TANC1: variants seen among roughly 807,000 people sequenced by gnomAD.
TANC1 encodes protein TANC1.
Under a neutral mutation model 149.7 loss-of-function variants are expected in TANC1, and 77 were observed. The ratio of observed to expected loss-of-function variants is 0.51; its 90% CI spans 0.43 to 0.62. The LOEUF (loss-of-function observed/expected upper bound fraction) is 0.62. Ranked by LOEUF, TANC1 falls within the 20% of genes least tolerant of loss-of-function variation. The pLI, the probability that TANC1 is intolerant of heterozygous loss-of-function variation, is 0.00. For missense variants in TANC1, 1,985 were observed against 2,321.8 expected (o/e 0.85, Z 2.98); for synonymous variants, 854 against 925.0 (o/e 0.92, Z 1.39).
At chr2:159,098,180 A>C (rs1014400630) in intron 4 of TANC1, among the ~76,000 whole-genome samples, 1 of 152,166 alleles carries the variant, frequency 6.6e-6, no homozygotes, top group East Asian at 1.9e-4. Flanking sequence ...GACAAACTGC[A>C]TGTATGATGG....
chr2:158,970,884 G>A (rs1260301696), intron 1 of TANC1, among the ~76,000 whole-genome samples: 1 of 152,160 alleles, frequency 6.6e-6, no homozygotes, highest in Non-Finnish European at 1.5e-5. Context: ...AAGCCTTTTG[G>A]TTTGAAGTGT....
intron 8 of TANC1, among the ~76,000 whole-genome samples, chr2:159,168,051 C>G (rs2054789322): frequency 4.6e-5 from 7 of 152,156 alleles, no homozygotes; most frequent in Admixed American, 4.6e-4. Flanking sequence ...GCCCTCAAGT[C>G]ACTGTATATT....
At chr2:159,028,386 G>T (rs2039520168) in intron 2 of TANC1, among the ~76,000 whole-genome samples, 1 of 152,156 alleles carries the variant, frequency 6.6e-6, no homozygotes, top group African/African-American at 2.4e-5. Context: ...CTCCCAAAGT[G>T]CTGGGATTAC....
chr2:159,165,777 A>C (rs537330956), intron 8 of TANC1, among the ~76,000 whole-genome samples: 1 of 152,322 alleles, frequency 6.6e-6, no homozygotes, highest in South Asian at 2.1e-4. Flanking sequence ...TTTTGGTGGG[A>C]AAGGTGTTTT....
chr2:159,088,119 A>G (rs1182365745), intron 3 of TANC1, among the ~76,000 whole-genome samples: 1 of 151,880 alleles, frequency 6.6e-6, no homozygotes, highest in Non-Finnish European at 1.5e-5. Flanking sequence ...TCTGTTGTTT[A>G]GGCCACCCTA....
intron 5 of TANC1, chr2:159,148,023 C>T (rs1484759866): frequency 6.6e-6 from 1 of 152,216 alleles, no homozygotes; most frequent in Non-Finnish European, 1.5e-5. Flanking sequence ...AGCTCAACGG[C>T]AACATCACTG....
intron 7 of TANC1, among the ~76,000 whole-genome samples, chr2:159,159,691 C>CAT (rs1553587957): frequency 6.8e-5 from 8 of 117,956 alleles, no homozygotes; most frequent in South Asian, 3.0e-4. Flanking sequence ...CATACACATA[C>CAT]GTGTGTGTGT....
At chr2:159,044,656 C>T (rs1350384466) in intron 2 of TANC1, among the ~76,000 whole-genome samples, 3 of 152,040 alleles carry the variant, frequency 2.0e-5, no homozygotes, top group African/African-American at 7.2e-5. Context: ...TAGCTGTGCA[C>T]AGTGGAGGCA....
At chr2:159,098,930 A>T (rs1471790115) in intron 4 of TANC1, among the ~76,000 whole-genome samples, 3 of 152,216 alleles carry the variant, frequency 2.0e-5, no homozygotes, top group Non-Finnish European at 4.4e-5. Flanking sequence ...ATTACATGTA[A>T]ACATATTCAG....
intron 2 of TANC1, among the ~76,000 whole-genome samples, chr2:159,002,604 T>C (rs1275558606): frequency 1.3e-5 from 2 of 152,214 alleles, no homozygotes; most frequent in Non-Finnish European, 2.9e-5. Flanking sequence ...GTGGTATTTG[T>C]GATCCTCTGG....
chr2:158,985,407 G>GT (rs1208141762), intron 1 of TANC1, among the ~76,000 whole-genome samples: 1 of 152,130 alleles, frequency 6.6e-6, no homozygotes, highest in Non-Finnish European at 1.5e-5. Flanking sequence ...TCTAATTGTT[G>GT]TTTTTTAGGG....
At chr2:159,080,121 C>T (rs1298870414) in intron 3 of TANC1, among the ~76,000 whole-genome samples, 9 of 152,164 alleles carry the variant, frequency 5.9e-5, no homozygotes, top group African/African-American at 2.2e-4. Context: ...CCTATACCTC[C>T]CTCCCCGAGC....
chr2:159,171,856 TAAAAAA>T (rs1167819599), intron 10 of TANC1, among the ~76,000 whole-genome samples: 2 of 16,886 alleles, frequency 1.2e-4, no homozygotes, highest in African/African-American at 4.4e-4. Context: ...GACTCCGCCT[TAAAAAA>T]AAAAAAAAAA....
At chr2:159,202,265 T>G (rs10175176) in intron 19 of TANC1, among the ~76,000 whole-genome samples, 1 of 152,008 alleles carries the variant, frequency 6.6e-6, no homozygotes, top group Non-Finnish European at 1.5e-5. Flanking sequence ...TCAATGAATG[T>G]CATCACAGAA....
chr2:159,005,844 T>C (rs1369664307), intron 2 of TANC1, among the ~76,000 whole-genome samples: 2 of 152,098 alleles, frequency 1.3e-5, no homozygotes, highest in African/African-American at 4.8e-5. Flanking sequence ...TGTCATTTAT[T>C]TTTTAGGATA....
chr2:159,170,754 G>A lies in TANC1; in HGVS notation c.1300G>A (p.Gly434Arg), dbSNP rs373387301. Residue 434 changes from glycine to arginine, a missense_variant, in exon 10 of 27, where the codon GGA becomes AGA. Around this residue, in one of 3 missense-constraint regions of TANC1, gnomAD observed 557 missense variants for 612.9 expected, o/e 0.91. Transcript: ENST00000263635. ...CAAGTTGGTGGCCCTGAGCTGCCAC[G>A]GAAGCCGCATGAGGCAGATTGCTTC... ...ISKLVALSCH[G>R]SRMRQIASNS... 9 of 1,614,054 alleles carry A rather than the reference G, an allele frequency of 5.6e-6. No homozygotes were observed. In the South Asian group the frequency reaches 8.8e-5, roughly 16 times the overall value.
At chr2:159,177,579 A>G (rs1461589684) in intron 13 of TANC1, among the ~76,000 whole-genome samples, 2 of 152,236 alleles carry the variant, frequency 1.3e-5, no homozygotes, top group Non-Finnish European at 2.9e-5. Context: ...GTCCATCAGT[A>G]GATCATAGGA....
At chr2:159,129,532 G>T (rs1200065238) in intron 4 of TANC1, among the ~76,000 whole-genome samples, 2 of 152,188 alleles carry the variant, frequency 1.3e-5, no homozygotes, top group East Asian at 3.9e-4. Flanking sequence ...CTGCTACACA[G>T]TTAAAGAAGC....
intron 4 of TANC1, 145 bp from the exon 5 acceptor site, chr2:159,136,049 T>TGTGTGTGTGA: frequency 2.2e-5 from 2 of 90,882 alleles, no homozygotes; most frequent in Non-Finnish European, 4.2e-5. Context: ...TGTGTGTGTG[T>TGTGTGTGTGA]GCGCGCGCGC....
Sources: gnomAD v4.1 joint callset for allele counts (sites outside exome capture counted in the v4.1 genomes callset) on GRCh38, gnomAD v4.1.1 for gene constraint, gnomAD v4.1.1 regional missense constraint, MANE v1.5 for transcripts, NCBI Gene and HGNC (gene_info 2026-07-23, HGNC 2026-07-21) for gene names.